CYP27B1: variants seen among roughly 807,000 people sequenced by gnomAD.
The protein encoded by CYP27B1 is 25-hydroxyvitamin D-1 alpha hydroxylase, mitochondrial.
In CYP27B1, 46 loss-of-function variants were observed where a neutral mutation model predicts 54.8. The observed-to-expected ratio is 0.84, with a 90% CI of 0.66 to 1.07. The LOEUF (loss-of-function observed/expected upper bound fraction) is 1.07, where lower values mean the gene tolerates loss of function less well. Among genes scored for constraint, CYP27B1 ranks in the 50% least tolerant of loss-of-function variants. CYP27B1 has a pLI of 0.00. For missense variants in CYP27B1, 674 were observed against 692.2 expected (o/e 0.97, Z 0.30); for synonymous variants, 292 against 297.3 (o/e 0.98, Z 0.18).
intron 1 of CYP27B1, 65 bp downstream of exon 1, chr12:57,766,782 C>T: frequency 6.4e-7 from 1 of 1,554,220 alleles, no homozygotes; most frequent in South Asian, 1.1e-5. Context: ...ACTAGTCAGT[C>T]CTTTCTGACG....
chr12:57,766,644 CGCA>C, intron 1 of CYP27B1, 200 bp downstream of exon 1: 2 of 636,452 alleles, frequency 3.1e-6, no homozygotes, highest in Non-Finnish European at 5.5e-6. Context: ...AAGGCGCTTT[CGCA>C]GCGCCCTCTG....
rs867550876 is a variant in CYP27B1 at position 57,764,363 on chromosome 12, C to G, written c.1136+15G>C. ...CTTGGCATTTCCTCTTGTTCCTCCT[C>G]TCCTTCCCCCTCACCTTAGCACTTC... is the stretch of plus-strand genomic sequence containing the variant. On this transcript the variant is annotated intron_variant, in intron 6 of 8. Transcript: ENST00000228606. 1 of 1,614,194 alleles carries G rather than the reference C, an allele frequency of 6.2e-7. No homozygotes were observed. The highest frequency in any genetic ancestry group is 1.6e-4 in the Middle Eastern group (1 of 6,062).
In CYP27B1 at chr12:57,766,950, T is replaced by C; in HGVS notation, c.92A>G (p.His31Arg). ...GTCTGCCAAGCTCCGGCGTGCTGAGTGGTACTCTCGGTAGCCTAGGGAGGC... is the reference window on the plus strand; with the variant it reads ...GTCTGCCAAGCTCCGGCGTGCTGAGCGGTACTCTCGGTAGCCTAGGGAGGC... The part of the protein sequence containing the change: ...LGASLGYREY[H>R]SARRSLADIP... The change falls in exon 1 of 9, where the codon CAC becomes CGC. Residue 31 changes from histidine (H) to arginine (R), a missense_variant. Coordinates refer to ENST00000228606, the MANE Select transcript of CYP27B1 (RefSeq NM_000785.4). 2 of 1,614,048 alleles carry C rather than the reference T, an allele frequency of 1.2e-6. No homozygotes were observed. The highest frequency in any genetic ancestry group is 1.7e-6 in the Non-Finnish European group (2 of 1,179,990).
rs1955327174 is a variant in CYP27B1 at position 57,762,520 on chromosome 12, A to G, written c.*622T>C. 6.1e-6 allele frequency: 1 copy of G among 162,738 alleles called. No homozygotes were observed. The highest frequency in any genetic ancestry group is 1.6e-4 in the South Asian group (1 of 6,178). 10.1% of individuals were successfully genotyped at this position (162,738 alleles called of 1,614,324 possible). On this transcript the variant is annotated 3_prime_UTR_variant, in exon 9 of 9. Coordinates refer to ENST00000228606, the MANE Select transcript of CYP27B1 (RefSeq NM_000785.4). The stretch of plus-strand genomic sequence containing the variant: ...GTTATAAGAAACCGTAAACCAGGCT[A>G]GGGCAGATTCACCTTCCTAGGGGCA...
chr12:57,763,810 T>G lies in CYP27B1; in HGVS notation c.1216-2A>C. ...ATAGTGACACAGAGTGACCAGCGTC[T>G]GGTGCAAAGGAAAACAAACTTGTCA... On this transcript the variant is annotated splice_acceptor_variant, in intron 7 of 8. Transcript: ENST00000228606. LOFTEE classifies it high-confidence loss of function. The G allele has an allele frequency of 6.2e-7, 1 of 1,614,024 alleles. No individual in the cohort carries two copies. The highest frequency in any genetic ancestry group is 8.5e-7 in the Non-Finnish European group (1 of 1,179,950).
At chr12:57,766,813 A>G in intron 1 of CYP27B1, 34 bp downstream of exon 1, 1 of 1,611,046 alleles carries the variant, frequency 6.2e-7, no homozygotes, top group Non-Finnish European at 8.5e-7. Context: ...CAGTTTCCCC[A>G]GCACTCTGTC....
At position 57,767,046 on chromosome 12, in the gene CYP27B1, T is replaced by C; in HGVS notation, c.-5A>G. On this transcript the variant is annotated 5_prime_UTR_variant, in exon 1 of 9. Coordinates refer to ENST00000228606, the MANE Select transcript of CYP27B1 (RefSeq NM_000785.4). ...GTACTTGAGGGTCTGGGTCATGGTC[T>C]GGTTCAGGGTGCTCGCGAAAGAAAG... 6.2e-7 allele frequency: 1 copy of C among 1,614,084 alleles called. No homozygotes were observed. The highest frequency in any genetic ancestry group is 8.5e-7 in the Non-Finnish European group (1 of 1,179,930).
Position 57,764,523 on chromosome 12 carries a change from A to G in CYP27B1, c.991T>C (p.Tyr331His). ...ACTTCGGGGTGCCGGGAGAGCTCAT[A>G]CAGAGCCCAAGAGAGCGTGTTGGAC... The part of the protein sequence containing the change: ...TVSNTLSWAL[Y>H]ELSRHPEVQT... The change falls in exon 6 of 9, where the codon TAT becomes CAT. Residue 331 changes from tyrosine to histidine, a missense_variant. Tyr to His is a moderately conservative substitution (Grantham distance 83). Coordinates refer to ENST00000228606, the MANE Select transcript of CYP27B1 (RefSeq NM_000785.4). 2 of 1,614,162 alleles carry G rather than the reference A, an allele frequency of 1.2e-6. No individual in the cohort carries two copies. The highest frequency in any genetic ancestry group is 1.7e-6 in the Non-Finnish European group (2 of 1,180,048).
chr12:57,763,260 A>C lies in CYP27B1; in HGVS notation c.1414-5T>G. 1.2e-6 allele frequency: 2 copies of C among 1,606,154 alleles called. No individual in the cohort carries two copies. Among genetic ancestry groups the C allele is most frequent in the Non-Finnish European group, 1.7e-6 (2 of 1,172,944 alleles). On this transcript the variant is annotated splice_polypyrimidine_tract_variant and splice_region_variant and intron_variant, in intron 8 of 8. Transcript: ENST00000228606. ...CACCTCAAAATGTGTTAGGATCTGG[A>C]AAGGGAAGAAGGTGAGCATTACTAT...
rs1465203104 is a variant in CYP27B1 at position 57,766,137 on chromosome 12, C to T, written c.256G>A (p.Val86Met). 3 of 1,546,622 alleles carry T rather than the reference C, an allele frequency of 1.9e-6. No homozygotes were observed. The highest frequency in any genetic ancestry group is 1.2e-5 in the South Asian group (1 of 84,328). The stretch of plus-strand genomic sequence containing the variant: ...ACGAGTGCAGGGGCAGCCACGTACA[C>T]GGTGCGCACTGTCCCAAAGCTGGCT... ...WLASFGTVRT[V>M]YVAAPALVEE... Residue 86 changes from valine (V) to methionine (M), a missense_variant, in exon 2 of 9, where the codon GTG becomes ATG. Transcript: ENST00000228606.
In CYP27B1 at chr12:57,762,656, C is replaced by G; in HGVS notation, c.*486G>C. 1 of 233,374 alleles carries G rather than the reference C, an allele frequency of 4.3e-6. No homozygotes were observed. Among genetic ancestry groups the G allele is most frequent in the Non-Finnish European group, 8.6e-6 (1 of 116,776 alleles). The allele number at this position is 233,374 out of a possible 1,614,324, so 14.5% of individuals were successfully genotyped here. A position where few individuals can be genotyped will look rare whatever the true frequency, so the allele number is the denominator to read the frequency against. On this transcript the variant is annotated 3_prime_UTR_variant, in exon 9 of 9. Coordinates refer to ENST00000228606, the MANE Select transcript of CYP27B1 (RefSeq NM_000785.4). ...GTGTATGGTGACACCTAGTCAGAGA[C>G]AGGCCCTGGCAGGGGACATAAAAAA...
intron 6 of CYP27B1, 45 bp downstream of exon 6, chr12:57,764,333 C>A (rs1340022124): frequency 6.2e-7 from 1 of 1,612,508 alleles, no homozygotes; most frequent in Non-Finnish European, 8.5e-7. Flanking sequence ...CTTCCCCAGC[C>A]CTTCCTTGGC....
chr12:57,766,302 C>T, intron 1 of CYP27B1, 105 bp from the exon 2 acceptor site: 1 of 1,390,258 alleles, frequency 7.2e-7, no homozygotes, highest in East Asian at 2.7e-5. Flanking sequence ...TAGGGAGCTT[C>T]TGCTCTTTCT....
In CYP27B1 at chr12:57,765,751, T is replaced by A. The variant is rs1190864365; in HGVS notation, c.387-252A>T. Reference sequence around the variant, plus strand: ...CTTACATTCATTCCATCCAGATCCTTGTACCCTAGCCCAATTCCTCCGGTT... The same window carrying A: ...CTTACATTCATTCCATCCAGATCCTAGTACCCTAGCCCAATTCCTCCGGTT... On this transcript the variant is annotated intron_variant, in intron 2 of 8. Coordinates refer to ENST00000228606, the MANE Select transcript of CYP27B1 (RefSeq NM_000785.4). The surrounding 1 kb of genome is among the most constrained non-coding windows in gnomAD (Gnocchi z 5.8). 1.2e-6 allele frequency: 1 copy of A among 817,002 alleles called. No homozygotes were observed. The highest frequency in any genetic ancestry group is 1.9e-6 in the Non-Finnish European group (1 of 519,348). The allele number at this position is 817,002 out of a possible 1,614,324, so 50.6% of individuals were successfully genotyped here.
At position 57,765,555 on chromosome 12, in the gene CYP27B1, T is replaced by C. The variant is rs1565811501; in HGVS notation, c.387-56A>G. ...GAAGGTGGGGACGGCTCGACGGGAC[T>C]GGCTGCAGTGAAGGAGCGCGTTCGG... On this transcript the variant is annotated intron_variant, in intron 2 of 8. Coordinates refer to ENST00000228606, the MANE Select transcript of CYP27B1 (RefSeq NM_000785.4). The surrounding 1 kb of genome is among the most constrained non-coding windows in gnomAD (Gnocchi z 5.8). 3 of 1,537,164 alleles carry C rather than the reference T, an allele frequency of 2.0e-6. No individual in the cohort carries two copies. The highest frequency in any genetic ancestry group is 1.9e-5 in the Admixed American group (1 of 51,650).
In CYP27B1 at chr12:57,765,184, C is replaced by G. The variant is rs1160859499; in HGVS notation, c.617G>C (p.Arg206Pro). Residue 206 changes from arginine (R) to proline (P), a missense_variant, in exon 4 of 9, where the codon CGC (arginine) becomes CCC (proline). Arg to Pro is a moderately radical substitution (Grantham distance 103). Coordinates refer to ENST00000228606, the MANE Select transcript of CYP27B1 (RefSeq NM_000785.4). The surrounding 1 kb of genome is among the most constrained non-coding windows in gnomAD (Gnocchi z 5.8). Reference sequence around the variant, plus strand: ...CACTTGAGCCTCCAGGCAGCCCAAGCGCGAGCCGAGCAGAACCGCGGCGAT... The same window carrying G: ...CACTTGAGCCTCCAGGCAGCCCAAGGGCGAGCCGAGCAGAACCGCGGCGAT... ...EGIAAVLLGS[R>P]LGCLEAQVPP... The G allele has an allele frequency of 6.2e-7, 1 of 1,613,258 alleles. No homozygotes were observed. Among genetic ancestry groups the G allele is most frequent in the East Asian group, 2.2e-5 (1 of 44,860 alleles).
In CYP27B1 at chr12:57,765,585, G is replaced by A. The variant is rs1340568811; in HGVS notation, c.387-86C>T. Reference sequence around the variant, plus strand: ...GCAGTGAAGGAGCGCGTTCGGCTGCGGTGGCCAGGAGAGGGATTGCGTCTG... The same window carrying A: ...GCAGTGAAGGAGCGCGTTCGGCTGCAGTGGCCAGGAGAGGGATTGCGTCTG... On this transcript the variant is annotated intron_variant, in intron 2 of 8. Coordinates refer to ENST00000228606, the MANE Select transcript of CYP27B1 (RefSeq NM_000785.4). This position sits in a 1 kb window ranked among gnomAD's most constrained non-coding sequence, Gnocchi z 5.8. 17 of 1,397,068 alleles carry A rather than the reference G, an allele frequency of 1.2e-5. No individual in the cohort carries two copies. Among genetic ancestry groups the A allele is most frequent in the Non-Finnish European group, 1.3e-5 (13 of 1,004,342 alleles). 86.5% of individuals were successfully genotyped at this position (1,397,068 alleles called of 1,614,324 possible).
At position 57,765,988 on chromosome 12, in the gene CYP27B1, G is replaced by A. The variant is rs891280362; in HGVS notation, c.386+19C>T. On this transcript the variant is annotated intron_variant, in intron 2 of 8. Coordinates refer to ENST00000228606, the MANE Select transcript of CYP27B1 (RefSeq NM_000785.4). The surrounding 1 kb of genome is among the most constrained non-coding windows in gnomAD (Gnocchi z 5.8). ...GCCGCTGCAGGGCGTCTGGGCTTCT[G>A]GGGGCAGAGAAGACTCACGCAGTGA... 3.2e-6 allele frequency: 5 copies of A among 1,542,212 alleles called. No homozygotes were observed. The highest frequency in any genetic ancestry group is 4.4e-6 in the Non-Finnish European group (5 of 1,147,506).
Position 57,766,087 on chromosome 12 carries a change from T to A in CYP27B1, c.306A>T (p.Gly102=), listed in dbSNP as rs1308405174. The A allele has an allele frequency of 1.3e-6, 2 of 1,549,558 alleles. No individual in the cohort carries two copies. The highest frequency in any genetic ancestry group is 1.7e-6 in the Non-Finnish European group (2 of 1,151,518). ...AGAAGCTGCAGCGCTCGGGCCGGGG[T>A]CCCTCCTGTCGCAGCAGCTCCTCGA... ...ALVEELLRQE[G]PRPERCSFSP... Residue 102 remains glycine (G), a synonymous_variant, in exon 2 of 9, where the codon GGA becomes GGT. Transcript: ENST00000228606.
Sources: gnomAD v4.1 joint callset for allele counts on GRCh38, gnomAD v4.1.1 for gene constraint, Gnocchi (gnomAD v3.1) non-coding constraint, MANE v1.5 for transcripts, NCBI Gene and HGNC (gene_info 2026-07-23, HGNC 2026-07-21) for gene names.